OOEP: variants seen among roughly 807,000 people sequenced by gnomAD.
OOEP encodes oocyte expressed protein, also known as oocyte-expressed protein homolog.
In OOEP, 16 loss-of-function variants were observed where a neutral mutation model predicts 13.7. The ratio of observed to expected loss-of-function variants is 1.16; its 90% confidence interval spans 0.79 to 1.77. The LOEUF (loss-of-function observed/expected upper bound fraction) is 1.77, where lower values mean the gene tolerates loss of function less well. OOEP is among the 40% of genes most tolerant of loss of function. The probability of loss-of-function intolerance (pLI) is 0.00; values close to 1 mark genes in which losing one functional copy is unlikely to be tolerated. For synonymous variants in OOEP, 89 were observed against 77.1 expected, an observed-to-expected ratio of 1.15 and a Z score of -0.81; for missense variants, 195 against 193.1, an observed-to-expected ratio of 1.01 and a Z score of -0.06.
chr6:73,369,967 C>T (rs996112340), upstream of OOEP: 62 of 603,514 alleles, frequency 1.0e-4, no homozygotes, highest in African/African-American at 1.0e-3. Flanking sequence ...CATAGCGGCA[C>T]CATTGGACAC....
Position 73,369,275 on chromosome 6 carries a change from G to A in OOEP, c.301C>T (p.Arg101Cys), listed in dbSNP as rs746053383. ...ATGCTCTTCACCCGATTCTGTACAC[G>A]GGGCCGCCCGAAAACGGTGATTTCG... ...LVEITVFGRP[R>C]VQNRVKSMLL... Residue 101 changes from arginine to cysteine, a missense_variant, in exon 2 of 3, where the codon CGT becomes TGT. Transcript: ENST00000370359. 6.2e-7 allele frequency: 1 copy of A among 1,613,886 alleles called. No homozygotes were observed. The highest frequency in any genetic ancestry group is 8.5e-7 in the Non-Finnish European group (1 of 1,179,872).
intron 2 of OOEP, among the ~76,000 whole-genome samples, chr6:73,393,373 G>A (rs1320679934): frequency 6.6e-6 from 1 of 152,180 alleles, no homozygotes; most frequent in Non-Finnish European, 1.5e-5. Flanking sequence ...TTACAGGTAT[G>A]AGTTATCCCT....
At chr6:73,390,917 T>C (rs1054179583) in intron 2 of OOEP, 2 of 151,422 alleles carry the variant, frequency 1.3e-5, no homozygotes, top group Non-Finnish European at 2.9e-5. Context: ...ATAATAATAA[T>C]AAAAATAAAT....
intron 1 of OOEP, chr6:73,394,500 G>T: frequency 1.8e-6 from 1 of 550,708 alleles, no homozygotes; most frequent in Non-Finnish European, 3.2e-6. Context: ...TATTTAAAAA[G>T]AAAAAAAAAA....
intron 2 of OOEP, among the ~76,000 whole-genome samples, chr6:73,386,774 T>C (rs1371896947): frequency 6.6e-6 from 1 of 151,754 alleles, no homozygotes; most frequent in Admixed American, 6.6e-5. Flanking sequence ...AGGACCAGCA[T>C]GGCCAACGTG....
At chr6:73,389,950 CG>C (rs1413975301) in intron 2 of OOEP, among the ~76,000 whole-genome samples, 4 of 152,142 alleles carry the variant, frequency 2.6e-5, no homozygotes, top group Non-Finnish European at 4.4e-5. Context: ...TTAAATCCGC[CG>C]GGCGCAGATC....
exon 2 of OOEP, chr6:73,394,427 T>C (rs921627707): frequency 3.4e-5 from 24 of 710,384 alleles, no homozygotes; most frequent in Non-Finnish European, 4.7e-5. Context: ...GGCTGGAAGA[T>C]CACTTGAAGC....
At chr6:73,393,443 T>TG (rs1160089859) in intron 2 of OOEP, among the ~76,000 whole-genome samples, 1 of 152,206 alleles carries the variant, frequency 6.6e-6, no homozygotes, top group Non-Finnish European at 1.5e-5. Context: ...GGAGTGCACT[T>TG]GCAGCTGGCT....
At chr6:73,392,301 TG>T (rs1447523873) in intron 2 of OOEP, among the ~76,000 whole-genome samples, 11 of 152,222 alleles carry the variant, frequency 7.2e-5, no homozygotes, top group Admixed American at 2.0e-4. Flanking sequence ...ATTTATTTAA[TG>T]TTTTTTTATC....
rs377275583 is a variant in OOEP, at chr6:73,369,391, C to G, written c.191-6G>C. The G allele has an allele frequency of 3.7e-6, 6 of 1,607,002 alleles. No individual in the cohort carries two copies. Among genetic ancestry groups the G allele is most frequent in the Non-Finnish European group, 5.1e-6 (6 of 1,176,986 alleles). ...AATTATGGCTCGGTCTGGGCCTAAACAAGTAAGGAAAAACTCTGAGGGGCT... is the reference window on the plus strand; with the variant it reads ...AATTATGGCTCGGTCTGGGCCTAAAGAAGTAAGGAAAAACTCTGAGGGGCT... On this transcript the variant is annotated splice_region_variant and splice_polypyrimidine_tract_variant and intron_variant, in intron 1 of 2. Transcript: ENST00000370359.
chr6:73,379,870 C>G (rs1017504379), intron 2 of OOEP, among the ~76,000 whole-genome samples: 1 of 152,060 alleles, frequency 6.6e-6, no homozygotes, highest in Admixed American at 6.6e-5. Flanking sequence ...TTACAGGCAT[C>G]AGCCACCATG....
At chr6:73,388,993 C>T (rs577984780) in intron 2 of OOEP, among the ~76,000 whole-genome samples, 4 of 151,494 alleles carry the variant, frequency 2.6e-5, no homozygotes, top group Non-Finnish European at 5.9e-5. Context: ...TGGGGGTACT[C>T]GCTCAGGGAT....
At chr6:73,391,196 G>C (rs1445820094) in intron 2 of OOEP, 4 of 152,210 alleles carry the variant, frequency 2.6e-5, no homozygotes, top group Admixed American at 2.6e-4. Context: ...TGTTTCTTCA[G>C]AGCAATAAGC....
At position 73,369,604 on chromosome 6, in the gene OOEP, A is replaced by C; in HGVS notation, c.189T>G (p.Phe63Leu). ...YLEAWLADEL[F>L]GPDRAIIPEM... is the part of the protein sequence containing the mutation. ...ACTAGCACACCTGGGGTCGCTCACC[A>C]AAGAGCTCGTCTGCCAGCCATGCCT... The change falls in exon 1 of 3, where the codon TTT (phenylalanine) becomes TTG (leucine). Residue 63 changes from phenylalanine (F) to leucine (L), a missense_variant and splice_region_variant. By Grantham distance (22) the Phe-to-Leu change is conservative. Coordinates refer to ENST00000370359, the MANE Select transcript of OOEP (RefSeq NM_001080507.3). 1.9e-6 allele frequency: 3 copies of C among 1,613,330 alleles called. No homozygotes were observed. Among genetic ancestry groups the C allele is most frequent in the Non-Finnish European group, 2.5e-6 (3 of 1,179,330 alleles).
intron 2 of OOEP, among the ~76,000 whole-genome samples, chr6:73,392,753 T>C (rs952485548): frequency 1.4e-5 from 2 of 140,254 alleles, no homozygotes; most frequent in Non-Finnish European, 3.0e-5. Flanking sequence ...TGCCTCAGCC[T>C]CCCAAGTAGC....
chr6:73,379,636 C>T, intron 2 of OOEP, among the ~76,000 whole-genome samples: 1 of 4,634 alleles, frequency 2.2e-4, no homozygotes. Flanking sequence ...GAGACTCTAT[C>T]TCAAAAAAAA....
chr6:73,369,946 C>T, upstream of OOEP: 2 of 639,934 alleles, frequency 3.1e-6, no homozygotes. Context: ...CGGGTGCAAG[C>T]GACGCCCCGG....
chr6:73,395,103 G>A, upstream of OOEP: 1 of 1,614,142 alleles, frequency 6.2e-7, no homozygotes, highest in Middle Eastern at 1.7e-4. Context: ...CTGGTCACGA[G>A]GAACTGCCGC....
upstream of OOEP, among the ~76,000 whole-genome samples, chr6:73,374,200 A>G (rs1231433814): frequency 6.6e-6 from 1 of 152,110 alleles, no homozygotes; most frequent in Non-Finnish European, 1.5e-5. Context: ...AATAAAATAA[A>G]GATAACGTAC....
Sources: gnomAD v4.1 joint callset for allele counts (sites outside exome capture counted in the v4.1 genomes callset) on GRCh38, gnomAD v4.1.1 for gene constraint, MANE v1.5 for transcripts, NCBI Gene and HGNC (gene_info 2026-07-23, HGNC 2026-07-21) for gene names.